Variants in RNF13 observed in about 807,000 individuals in gnomAD.
RNF13 encodes ring finger protein 13, also known as E3 ubiquitin-protein ligase RNF13.
Under a neutral mutation model 37.7 loss-of-function variants are expected in RNF13, and 19 were observed. The observed-to-expected ratio is 0.50, with a 90% CI of 0.35 to 0.74. The LOEUF (loss-of-function observed/expected upper bound fraction) is 0.74, where lower values mean the gene tolerates loss of function less well. Among genes scored for constraint, RNF13 ranks in the 30% least tolerant of loss-of-function variants. RNF13 has a pLI of 0.01. For synonymous variants in RNF13, 144 were observed against 157.8 expected, an observed-to-expected ratio of 0.91 and a Z score of 0.65; for missense variants, 375 against 453.0, an observed-to-expected ratio of 0.83 and a Z score of 1.56.
intron 3 of RNF13, among the ~76,000 whole-genome samples, chr3:149,869,585 G>A (rs1576794652): frequency 6.6e-6 from 1 of 151,516 alleles, no homozygotes; most frequent in East Asian, 1.9e-4. Flanking sequence ...CAGCCTGGGC[G>A]ACAGAGCGAG....
At position 149,852,617 on chromosome 3, in the gene RNF13, T is replaced by C. The variant is rs780138089; in HGVS notation, c.195+21T>C. 2.1e-5 allele frequency: 25 copies of C among 1,185,438 alleles called. No homozygotes were observed. In the East Asian group the frequency reaches 5.4e-4, roughly 26 times the overall value. The allele number at this position is 1,185,438 out of a possible 1,614,324, so 73.4% of individuals were successfully genotyped here. ...TAAAGGTAAGACAGTTGGTAATACA[T>C]TGTAAAGACACAAGGTATTTAATAA... is the stretch of plus-strand genomic sequence containing the variant. On this transcript the variant is annotated intron_variant, in intron 3 of 9. Transcript: ENST00000392894.
chr3:149,871,870 G>C (rs755789030), intron 3 of RNF13, among the ~76,000 whole-genome samples, 159 bp from the exon 4 acceptor site: 12 of 152,282 alleles, frequency 7.9e-5, no homozygotes, highest in Non-Finnish European at 1.5e-4. Context: ...GAAAGCAAAT[G>C]CTGCTTTAGA....
intron 8 of RNF13, among the ~76,000 whole-genome samples, chr3:149,945,703 C>T (rs909815814): frequency 2.6e-5 from 4 of 152,158 alleles, no homozygotes; most frequent in Non-Finnish European, 4.4e-5. Flanking sequence ...CGGCCAGGTA[C>T]CCCTCTGAGA....
At chr3:149,850,863 T>C (rs1723059653) in intron 2 of RNF13, among the ~76,000 whole-genome samples, 1 of 152,206 alleles carries the variant, frequency 6.6e-6, no homozygotes, top group South Asian at 2.1e-4. Flanking sequence ...ATTGTGATAA[T>C]GGGTTTAAAA....
At chr3:149,934,809 GT>G (rs1719515670) in intron 8 of RNF13, among the ~76,000 whole-genome samples, 1 of 151,946 alleles carries the variant, frequency 6.6e-6, no homozygotes, top group Non-Finnish European at 1.5e-5. Context: ...TAGAGATGAG[GT>G]TTTACCATGT....
At chr3:149,936,421 T>C (rs1403770299) in intron 8 of RNF13, among the ~76,000 whole-genome samples, 1 of 152,102 alleles carries the variant, frequency 6.6e-6, no homozygotes, top group African/African-American at 2.4e-5. Flanking sequence ...TCTTCCTTTT[T>C]ACTCTCCTAT....
chr3:149,912,897 C>T (rs1489877306), intron 7 of RNF13, among the ~76,000 whole-genome samples: 3 of 152,012 alleles, frequency 2.0e-5, no homozygotes, highest in African/African-American at 7.2e-5. Context: ...GTAAAAATTT[C>T]TATAGGCTAC....
At chr3:149,830,624 A>G (rs1005550776) in intron 1 of RNF13, among the ~76,000 whole-genome samples, 3 of 136,878 alleles carry the variant, frequency 2.2e-5, no homozygotes, top group Non-Finnish European at 3.1e-5. Flanking sequence ...TAAGGGAAGC[A>G]GAGCATAAAA....
chr3:149,823,184 G>A (rs1473856190), intron 1 of RNF13, among the ~76,000 whole-genome samples: 3 of 152,036 alleles, frequency 2.0e-5, no homozygotes, highest in Admixed American at 1.3e-4. Context: ...TAAAGTGCTT[G>A]CTGTGTGTTA....
At chr3:149,923,580 C>T (rs900131171) in intron 8 of RNF13, among the ~76,000 whole-genome samples, 9 of 152,074 alleles carry the variant, frequency 5.9e-5, no homozygotes, top group Admixed American at 3.9e-4. Flanking sequence ...TCCTGGCCAA[C>T]ATGGTGAAAC....
intron 8 of RNF13, among the ~76,000 whole-genome samples, chr3:149,924,233 G>C (rs1000967605): frequency 2.0e-5 from 3 of 152,128 alleles, no homozygotes; most frequent in Admixed American, 6.6e-5. Flanking sequence ...GAGAGAGCAG[G>C]TTTTAGGAGG....
At chr3:149,959,318 A>T (rs1722161413) in intron 8 of RNF13, among the ~76,000 whole-genome samples, 3 of 152,332 alleles carry the variant, frequency 2.0e-5, no homozygotes, top group South Asian at 4.1e-4. Context: ...CCAAAAACAA[A>T]CAAACAAACA....
intron 1 of RNF13, among the ~76,000 whole-genome samples, chr3:149,814,544 A>G (rs1483229767): frequency 6.6e-6 from 1 of 152,246 alleles, no homozygotes; most frequent in Non-Finnish European, 1.5e-5. Flanking sequence ...TTTAGAATCA[A>G]TTTAGTACAT....
chr3:149,915,572 C>A (rs1354576872), intron 7 of RNF13, among the ~76,000 whole-genome samples: 1 of 152,112 alleles, frequency 6.6e-6, no homozygotes, highest in African/African-American at 2.4e-5. Flanking sequence ...ATATTATTTA[C>A]AATAGCCAAT....
chr3:149,903,720 T>A (rs548904654), intron 6 of RNF13, among the ~76,000 whole-genome samples: 1 of 152,294 alleles, frequency 6.6e-6, no homozygotes, highest in South Asian at 2.1e-4. Flanking sequence ...TTAAATAACA[T>A]TCCAAATAGA....
In RNF13 at chr3:149,869,466, CG is replaced by C. The variant is rs1344046556; in HGVS notation, c.196-2562del. Among the ~76,000 whole-genome samples, 2 of 151,536 alleles carry C rather than the reference CG, an allele frequency of 1.3e-5. 1 individual carries two copies. The highest frequency in any genetic ancestry group is 3.0e-5 in the Non-Finnish European group (2 of 67,760). On this transcript the variant is annotated intron_variant, in intron 3 of 9. Coordinates refer to ENST00000392894, the MANE Select transcript of RNF13 (RefSeq NM_183381.3). ...TAAAAAATACAAAAAATTAGCCGGGCGTAGTGGCGGGCGCCTGTAGTCCCAG... is the reference window on the plus strand; with the variant it reads ...TAAAAAATACAAAAAATTAGCCGGGCTAGTGGCGGGCGCCTGTAGTCCCAG...
chr3:149,861,257 A>G (rs1724228076), intron 3 of RNF13, among the ~76,000 whole-genome samples: 1 of 152,068 alleles, frequency 6.6e-6, no homozygotes, highest in South Asian at 2.1e-4. Context: ...TAGCACTACC[A>G]TAGGACCCAG....
rs139360972 is a variant in RNF13, at chr3:149,957,231, G to A, written c.701-2825G>A. Among the ~76,000 whole-genome samples the A allele has an allele frequency of 2.7e-3, 409 of 152,234 alleles. 2 individuals are homozygous for A. The highest frequency in any genetic ancestry group is 9.4e-3 in the African/African-American group (389 of 41,548). On this transcript the variant is annotated intron_variant, in intron 8 of 9. Coordinates refer to ENST00000392894, the MANE Select transcript of RNF13 (RefSeq NM_183381.3). ...ACTGGCTGGATTTCCAAATTGCCAT[G>A]GTACATGAAGCATTTTCTACCATTT...
At chr3:149,926,130 T>A (rs138393971) in intron 8 of RNF13, among the ~76,000 whole-genome samples, 38 of 152,348 alleles carry the variant, frequency 2.5e-4, no homozygotes, top group African/African-American at 9.1e-4. Flanking sequence ...CAATAATTCT[T>A]GTGTTTTAAC....
Sources: gnomAD v4.1 joint callset for allele counts (sites outside exome capture counted in the v4.1 genomes callset) on GRCh38, gnomAD v4.1.1 for gene constraint, MANE v1.5 for transcripts, NCBI Gene and HGNC (gene_info 2026-07-23, HGNC 2026-07-21) for gene names.